PTCSC3: variants seen among roughly 807,000 people sequenced by gnomAD.
PTCSC3 encodes papillary thyroid carcinoma susceptibility candidate 3.
At chr14:36,154,172 T>G (rs923271045) in intron 2 of PTCSC3, among the ~76,000 whole-genome samples, 6 of 151,868 alleles carry the variant, frequency 4.0e-5, no homozygotes, top group Admixed American at 3.3e-4. Context: ...CAGGCACAAA[T>G]AGTCAATGCC....
At chr14:36,171,626 G>A (rs908429260) in intron 1 of PTCSC3, among the ~76,000 whole-genome samples, 1 of 152,128 alleles carries the variant, frequency 6.6e-6, no homozygotes. Context: ...TGTGTGAAAT[G>A]TGTACAGTAT....
At chr14:36,150,361 G>T (rs1390766564) in intron 3 of PTCSC3, among the ~76,000 whole-genome samples, 12 of 152,066 alleles carry the variant, frequency 7.9e-5, no homozygotes, top group Non-Finnish European at 1.5e-5. Flanking sequence ...CTGAAACAAG[G>T]TACCCTGAAA....
intron 1 of PTCSC3, among the ~76,000 whole-genome samples, chr14:36,173,839 G>A (rs567612886): frequency 2.6e-5 from 4 of 152,014 alleles, no homozygotes; most frequent in African/African-American, 9.7e-5. Flanking sequence ...TGTTTACGGA[G>A]GCTCTTTCTG....
intron 3 of PTCSC3, among the ~76,000 whole-genome samples, chr14:36,140,536 C>A (rs1253623057): frequency 1.3e-5 from 2 of 152,182 alleles, no homozygotes; most frequent in African/African-American, 4.8e-5. Flanking sequence ...TTTAGTCGTT[C>A]TAATCCATGT....
intron 3 of PTCSC3, among the ~76,000 whole-genome samples, chr14:36,147,358 A>C (rs887154335): frequency 3.3e-5 from 5 of 151,976 alleles, no homozygotes; most frequent in Non-Finnish European, 7.4e-5. Flanking sequence ...GGCTTTGCTC[A>C]TTTCTTTTTA....
At chr14:36,143,400 G>A (rs1166393936) in intron 3 of PTCSC3, among the ~76,000 whole-genome samples, 2 of 118,924 alleles carry the variant, frequency 1.7e-5, no homozygotes, top group Non-Finnish European at 3.5e-5. Flanking sequence ...GCATTTCTCT[G>A]ATGGCCAGTG....
chr14:36,163,340 A>AT (rs1362606874), intron 1 of PTCSC3, among the ~76,000 whole-genome samples: 2 of 152,014 alleles, frequency 1.3e-5, no homozygotes, highest in African/African-American at 4.8e-5. Context: ...AAGGTACAAT[A>AT]TTTTTTACCT....
intron 1 of PTCSC3, among the ~76,000 whole-genome samples, chr14:36,165,722 CTTTTT>C (rs71448056): frequency 8.0e-6 from 1 of 124,820 alleles, no homozygotes; most frequent in African/African-American, 2.9e-5. Flanking sequence ...TTTATTTTTC[CTTTTT>C]TTTTTTTTTT....
intron 3 of PTCSC3, among the ~76,000 whole-genome samples, chr14:36,145,637 G>T (rs1349315168): frequency 1.3e-5 from 1 of 77,548 alleles, no homozygotes; most frequent in African/African-American, 4.1e-5. Flanking sequence ...ATTTTTTGAA[G>T]GGTTTTTTTG....
chr14:36,156,709 C>T lies in PTCSC3; in HGVS notation n.232-2815G>A, dbSNP rs1881835397. On this transcript the variant is annotated intron_variant and non_coding_transcript_variant, in intron 2 of 3. Coordinates refer to ENST00000556013, the Ensembl canonical transcript of PTCSC3. The stretch of plus-strand genomic sequence containing the variant: ...TTAGTTTGCTGAGAATGATGGTTTC[C>T]AGCTTCATCCATGTCCCTGCAAAGG... 2.0e-5 allele frequency among the ~76,000 whole-genome samples: 3 copies of T among 151,996 alleles called. No homozygotes were observed. In the South Asian group the frequency reaches 6.2e-4, roughly 32 times the overall value.
chr14:36,168,396 T>TATATATTC (rs1555332064), intron 1 of PTCSC3, among the ~76,000 whole-genome samples: 1 of 144,878 alleles, frequency 6.9e-6, no homozygotes, highest in Non-Finnish European at 1.5e-5. Context: ...TATATATATA[T>TATATATTC]ATTCTACTTT....
intron 2 of PTCSC3, among the ~76,000 whole-genome samples, chr14:36,157,251 G>A (rs1234755864): frequency 6.6e-6 from 1 of 151,902 alleles, no homozygotes; most frequent in Non-Finnish European, 1.5e-5. Flanking sequence ...TTTTGATAGG[G>A]TTGTTTTTTT....
Position 36,162,227 on chromosome 14 carries a change from T to C in PTCSC3, n.231+397A>G, listed in dbSNP as rs572261799. Among the ~76,000 whole-genome samples, 20 of 137,430 alleles carry C rather than the reference T, an allele frequency of 1.5e-4. No individual in the cohort carries two copies. In the South Asian group the frequency reaches 4.4e-3, roughly 30 times the overall value. The allele number at this position is 137,430 out of a possible 152,430, so 90.2% of individuals were successfully genotyped here. A position where few individuals can be genotyped will look rare whatever the true frequency, so the allele number is the denominator to read the frequency against. On this transcript the variant is annotated intron_variant and non_coding_transcript_variant, in intron 2 of 3. Coordinates refer to ENST00000556013, the Ensembl canonical transcript of PTCSC3. Reference sequence around the variant, plus strand: ...TTCCAGGGGAGTGAACAGTTCTGTCTCACTGGCGTTCCAGGAGCTGCTGGG... The same window carrying C: ...TTCCAGGGGAGTGAACAGTTCTGTCCCACTGGCGTTCCAGGAGCTGCTGGG...
intron 2 of PTCSC3, among the ~76,000 whole-genome samples, chr14:36,160,142 C>T (rs1023362903): frequency 8.5e-5 from 13 of 152,310 alleles, no homozygotes; most frequent in Middle Eastern, 3.4e-3. Context: ...GATGAGTCTC[C>T]TGAATACAGC....
chr14:36,157,095 T>A (rs1881846817), intron 2 of PTCSC3, among the ~76,000 whole-genome samples: 1 of 152,230 alleles, frequency 6.6e-6, no homozygotes, highest in African/African-American at 2.4e-5. Flanking sequence ...GACTTTTTCA[T>A]GATCACCATT....
chr14:36,137,404 G>A (rs1241864343), intron 3 of PTCSC3, among the ~76,000 whole-genome samples: 1 of 152,178 alleles, frequency 6.6e-6, no homozygotes, highest in East Asian at 1.9e-4. Context: ...AATGAGATGG[G>A]CAATACTGGA....
intron 3 of PTCSC3, among the ~76,000 whole-genome samples, chr14:36,142,241 G>A (rs1312467350): frequency 6.6e-6 from 1 of 152,064 alleles, no homozygotes; most frequent in African/African-American, 2.4e-5. Flanking sequence ...ATAAATGTTG[G>A]ATTTTTCAAA....
intron 3 of PTCSC3, among the ~76,000 whole-genome samples, chr14:36,147,513 T>G (rs1358418782): frequency 6.6e-6 from 1 of 152,238 alleles, no homozygotes; most frequent in Admixed American, 6.5e-5. Flanking sequence ...TTTGGCTCCA[T>G]CAGCTCCTTT....
At chr14:36,149,761 T>C (rs1881680830) in intron 3 of PTCSC3, among the ~76,000 whole-genome samples, 1 of 152,234 alleles carries the variant, frequency 6.6e-6, no homozygotes, top group Non-Finnish European at 1.5e-5. Context: ...TTATCTGAAA[T>C]CAACGTAGCT....
Sources: gnomAD v4.1 joint callset for allele counts (sites outside exome capture counted in the v4.1 genomes callset) on GRCh38, gnomAD v4.1.1 for gene constraint, MANE v1.5 for transcripts, NCBI Gene and HGNC (gene_info 2026-07-23, HGNC 2026-07-21) for gene names.